Variants in ZNF574 observed in about 807,000 individuals in gnomAD.
The protein encoded by ZNF574 is zinc finger protein 574.
A neutral mutation model predicts 56.6 loss-of-function variants in ZNF574; 25 were observed. The observed-to-expected ratio is 0.44, with a 90% CI of 0.32 to 0.62. The LOEUF (loss-of-function observed/expected upper bound fraction) is 0.62. Ranked by LOEUF, ZNF574 falls within the 20% of genes least tolerant of loss-of-function variation. The pLI, the probability that ZNF574 is intolerant of heterozygous loss-of-function variation, is 0.04. For missense variants in ZNF574, 1,065 were observed against 1,218.9 expected (o/e 0.87, Z 1.88); for synonymous variants, 543 against 492.1 (o/e 1.10, Z -1.37).
intron 1 of ZNF574, 129 bp from the exon 2 acceptor site, chr19:42,078,458 A>T: frequency 1.2e-6 from 1 of 809,678 alleles, no homozygotes; most frequent in Non-Finnish European, 2.0e-6. Context: ...GGAGGGAGGC[A>T]GAATTTTAAA....
chr19:42,068,602 CG>C (rs1387377290), exon 1 of ZNF574: 133 of 416,736 alleles, frequency 3.2e-4, no homozygotes, highest in Admixed American at 1.8e-3. Flanking sequence ...GACAGGTGAG[CG>C]GAGGCACAGA....
At chr19:42,075,280 T>C (rs2076447798), upstream of ZNF574, 2 of 152,328 alleles carry the variant, frequency 1.3e-5, no homozygotes, top group African/African-American at 2.4e-5. Flanking sequence ...CTTGGACACA[T>C]GGGGCCCCAA....
At position 42,081,132 on chromosome 19, in the gene ZNF574, G is replaced by T. The variant is rs765211744; in HGVS notation, c.2526G>T (p.Lys842Asn). 2 of 1,614,152 alleles carry T rather than the reference G, an allele frequency of 1.2e-6. No individual in the cohort carries two copies. Among genetic ancestry groups the T allele is most frequent in the Non-Finnish European group, 1.7e-6 (2 of 1,180,046 alleles). Residue 842 changes from lysine (K) to asparagine (N), a missense_variant, in exon 2 of 2, where the codon AAG becomes AAT. Coordinates refer to ENST00000359044, the MANE Select transcript of ZNF574 (RefSeq NM_022752.6). ...TCTCCAACCTCTGGAAGCACCGCAA[G>T]ACCCATCAGCAGCAGCATCAGGCAG... is the stretch of plus-strand genomic sequence containing the variant. ...RSFSNLWKHR[K>N]THQQQHQAAV...
At position 42,081,395 on chromosome 19, in the gene ZNF574, C is replaced by A; in HGVS notation, c.*98C>A. On this transcript the variant is annotated 3_prime_UTR_variant, in exon 2 of 2. Coordinates refer to ENST00000359044, the MANE Select transcript of ZNF574 (RefSeq NM_022752.6). ...GTACATACTGTGTCCCTTCCTCTTCCCATCCCCACCACCTTGTAAGTTCTA... is the reference window on the plus strand; with the variant it reads ...GTACATACTGTGTCCCTTCCTCTTCACATCCCCACCACCTTGTAAGTTCTA... The A allele has an allele frequency of 6.9e-7, 1 of 1,455,482 alleles. No homozygotes were observed. Among genetic ancestry groups the A allele is most frequent in the African/African-American group, 1.4e-5 (1 of 71,758 alleles). The allele number at this position is 1,455,482 out of a possible 1,614,324, so 90.2% of individuals were successfully genotyped here.
rs752602072 is a variant in ZNF574, at chr19:42,081,368, C to A, written c.*71C>A. On this transcript the variant is annotated 3_prime_UTR_variant, in exon 2 of 2. Transcript: ENST00000359044. ...GGCCCTCCAGCATCCCCTTAAGCAT[C>A]TGTACATACTGTGTCCCTTCCTCTT... is the stretch of plus-strand genomic sequence containing the variant. 2.6e-6 allele frequency: 4 copies of A among 1,568,200 alleles called. No homozygotes were observed. Among genetic ancestry groups the A allele is most frequent in the Non-Finnish European group, 3.5e-6 (4 of 1,139,370 alleles).
At position 42,079,585 on chromosome 19, in the gene ZNF574, C is replaced by T. The variant is rs1344159705; in HGVS notation, c.979C>T (p.His327Tyr). 1 of 1,614,190 alleles carries T rather than the reference C, an allele frequency of 6.2e-7. No homozygotes were observed. The highest frequency in any genetic ancestry group is 8.5e-7 in the Non-Finnish European group (1 of 1,180,034). Residue 327 changes from histidine (H) to tyrosine (Y), a missense_variant, in exon 2 of 2, where the codon CAC becomes TAC. Transcript: ENST00000359044. This position sits in a 1 kb window ranked among gnomAD's most constrained non-coding sequence, Gnocchi z 4.3. Reference protein sequence around the residue: ...LFLSPHQLQQHLRSHREGVFK... With the variant: ...LFLSPHQLQQYLRSHREGVFK... ...TCTCTCACCCCACCAGCTACAGCAG[C>T]ACCTGCGGAGTCACCGGGAGGGCGT...
At position 42,081,452 on chromosome 19, in the gene ZNF574, T is replaced by C; in HGVS notation, c.*155T>C. 9.8e-7 allele frequency: 1 copy of C among 1,022,820 alleles called. No homozygotes were observed. The highest frequency in any genetic ancestry group is 1.5e-6 in the Non-Finnish European group (1 of 676,384). The allele number at this position is 1,022,820 out of a possible 1,614,324, so 63.4% of individuals were successfully genotyped here. On this transcript the variant is annotated 3_prime_UTR_variant, in exon 2 of 2. Transcript: ENST00000359044. ...ATTTATTCTCTCGTGAGGGGGGTGC[T>C]CTGGGGTCCTTGACACACATAAAGG... is the stretch of plus-strand genomic sequence containing the variant.
Position 42,080,061 on chromosome 19 carries a change from A to C in ZNF574, c.1455A>C (p.Gln485His), listed in dbSNP as rs373910901. 1 of 1,613,954 alleles carries C rather than the reference A, an allele frequency of 6.2e-7. No individual in the cohort carries two copies. Among genetic ancestry groups the C allele is most frequent in the African/African-American group, 1.3e-5 (1 of 74,884 alleles). ...FGKALQLTRH[Q>H]RFVHRLERRH... ...AGGCCTTGCAGCTGACCCGGCACCA[A>C]CGTTTTGTGCATCGGCTGGAGCGGC... Residue 485 changes from glutamine to histidine, a missense_variant, in exon 2 of 2, where the codon CAA (glutamine) becomes CAC (histidine). Transcript: ENST00000359044. The surrounding 1 kb of genome is among the most constrained non-coding windows in gnomAD (Gnocchi z 8.5).
chr19:42,077,498 A>AG (rs1452461394), intron 1 of ZNF574, among the ~76,000 whole-genome samples: 7 of 151,920 alleles, frequency 4.6e-5, no homozygotes, highest in Non-Finnish European at 7.4e-5. Flanking sequence ...GATGGATTTG[A>AG]GGGGGGGCTC....
intron 1 of ZNF574, among the ~76,000 whole-genome samples, chr19:42,077,007 T>C (rs2076461015): frequency 1.3e-5 from 2 of 152,058 alleles, no homozygotes; most frequent in South Asian, 2.1e-4. Flanking sequence ...AGGTAGTCTT[T>C]TTTAAGTACA....
Position 42,080,669 on chromosome 19 carries a change from C to A in ZNF574, c.2063C>A (p.Ala688Asp), listed in dbSNP as rs775165220. The A allele has an allele frequency of 6.2e-7, 1 of 1,613,078 alleles. No individual in the cohort carries two copies. The highest frequency in any genetic ancestry group is 8.5e-7 in the Non-Finnish European group (1 of 1,179,894). ...SAARLQAHEA[A>D]HAAAGPGEVL... ...GCTCGACTGCAGGCACACGAGGCGG[C>A]CCATGCAGCTGCTGGGCCTGGAGAG... is the stretch of plus-strand genomic sequence containing the variant. The change falls in exon 2 of 2, where the codon GCC becomes GAC. Residue 688 changes from alanine (A) to aspartate (D), a missense_variant. Ala to Asp is a moderately radical substitution (Grantham distance 126). Transcript: ENST00000359044. The surrounding 1 kb of genome is among the most constrained non-coding windows in gnomAD (Gnocchi z 8.5).
Position 42,079,954 on chromosome 19 carries a change from C to T in ZNF574, c.1348C>T (p.Pro450Ser). ...AETGEPEAPE[P>S]PVSEETSAGP... The stretch of plus-strand genomic sequence containing the variant: ...GACTGGAGAGCCAGAGGCCCCTGAG[C>T]CCCCTGTGTCTGAGGAGACCTCAGC... The change falls in exon 2 of 2, where the codon CCC (proline) becomes TCC (serine). Residue 450 changes from proline to serine, a missense_variant. Transcript: ENST00000359044. The surrounding 1 kb of genome is among the most constrained non-coding windows in gnomAD (Gnocchi z 4.3). 1.2e-6 allele frequency: 2 copies of T among 1,613,836 alleles called. No individual in the cohort carries two copies. The highest frequency in any genetic ancestry group is 3.3e-4 in the Middle Eastern group (2 of 6,062).
chr19:42,081,215 C>T lies in ZNF574; in HGVS notation c.2609C>T (p.Thr870Ile). The T allele has an allele frequency of 6.2e-7, 1 of 1,614,146 alleles. No homozygotes were observed. Among genetic ancestry groups the T allele is most frequent in the Non-Finnish European group, 8.5e-7 (1 of 1,180,044 alleles). ...EAAVGLAVME[T>I]AVEALPLVEA... ...GCCGTTGGCCTGGCCGTCATGGAGACTGCTGTGGAGGCGCTACCCCTGGTG... is the reference window on the plus strand; with the variant it reads ...GCCGTTGGCCTGGCCGTCATGGAGATTGCTGTGGAGGCGCTACCCCTGGTG... Residue 870 changes from threonine (T) to isoleucine (I), a missense_variant, in exon 2 of 2, where the codon ACT becomes ATT. By Grantham distance (89) the Thr-to-Ile change is moderately conservative (BLOSUM62 -1). Transcript: ENST00000359044.
In ZNF574 at chr19:42,079,141, G is replaced by A. The variant is rs758498718; in HGVS notation, c.535G>A (p.Val179Met). The A allele has an allele frequency of 1.2e-6, 2 of 1,614,020 alleles. No homozygotes were observed. The highest frequency in any genetic ancestry group is 1.7e-6 in the Non-Finnish European group (2 of 1,179,966). Reference protein sequence around the residue: ...GPPVGQARVAVEHSYRKAEEG... With the variant: ...GPPVGQARVAMEHSYRKAEEG... ...TCCTGTGGGCCAGGCCCGAGTGGCTGTGGAGCACTCATACCGAAAGGCAGA... is the reference window on the plus strand; with the variant it reads ...TCCTGTGGGCCAGGCCCGAGTGGCTATGGAGCACTCATACCGAAAGGCAGA... Residue 179 changes from valine (V) to methionine (M), a missense_variant, in exon 2 of 2, where the codon GTG becomes ATG. Transcript: ENST00000359044. The surrounding 1 kb of genome is among the most constrained non-coding windows in gnomAD (Gnocchi z 4.3).
chr19:42,081,166 CAGCAGCTGGCAG>C lies in ZNF574; in HGVS notation c.2563_2574del (p.Gln855_Glu858del). ...GCAGCAGCATCAGGCAGCTGTGCGGCAGCAGCTGGCAGAGGCGGAGGCTGCCGTTGGCCTGGC... is the reference window on the plus strand; with the variant it reads ...GCAGCAGCATCAGGCAGCTGTGCGGCAGGCGGAGGCTGCCGTTGGCCTGGC... On this transcript the variant is annotated inframe_deletion, in exon 2 of 2. Transcript: ENST00000359044. 6.2e-7 allele frequency: 1 copy of C among 1,614,066 alleles called. No homozygotes were observed. Among genetic ancestry groups the C allele is most frequent in the South Asian group, 1.1e-5 (1 of 91,090 alleles).
rs776539367 is a variant in ZNF574, at chr19:42,081,205, G to A, written c.2599G>A (p.Val867Ile). ...AEAEAAVGLA[V>I]METAVEALPL... is the part of the protein sequence containing the mutation. ...GGCGGAGGCTGCCGTTGGCCTGGCC[G>A]TCATGGAGACTGCTGTGGAGGCGCT... Residue 867 changes from valine to isoleucine, a missense_variant, in exon 2 of 2, where the codon GTC becomes ATC. Transcript: ENST00000359044. 1.6e-5 allele frequency: 26 copies of A among 1,613,986 alleles called. No homozygotes were observed. Among genetic ancestry groups the A allele is most frequent in the South Asian group, 2.2e-5 (2 of 91,092 alleles).
intron 1 of ZNF574, among the ~76,000 whole-genome samples, chr19:42,076,622 G>C (rs1311261115): frequency 6.6e-6 from 1 of 152,226 alleles, no homozygotes; most frequent in Non-Finnish European, 1.5e-5. Context: ...TAAAGGACTT[G>C]GTGGTGTGGC....
chr19:42,080,023 C>G lies in ZNF574; in HGVS notation c.1417C>G (p.Arg473Gly). 1 of 1,614,026 alleles carries G rather than the reference C, an allele frequency of 6.2e-7. No homozygotes were observed. Among genetic ancestry groups the G allele is most frequent in the South Asian group, 1.1e-5 (1 of 91,074 alleles). ...PGTYRCLLCS[R>G]EFGKALQLTR... ...CACCTACCGCTGCCTCCTGTGCAGC[C>G]GTGAATTTGGAAAGGCCTTGCAGCT... Residue 473 changes from arginine (R) to glycine (G), a missense_variant, in exon 2 of 2, where the codon CGT (arginine) becomes GGT (glycine). Physicochemically the swap from Arg to Gly is moderately radical, Grantham distance 125. Transcript: ENST00000359044. The surrounding 1 kb of genome is among the most constrained non-coding windows in gnomAD (Gnocchi z 8.5).
Position 42,079,872 on chromosome 19 carries a change from A to G in ZNF574, c.1266A>G (p.Thr422=), listed in dbSNP as rs762387342. The stretch of plus-strand genomic sequence containing the variant: ...GGGTAGGGGGTGTCCCTCTGCCCAC[A>G]ACACCAGTCCCACCAGAGGAACCTG... ...THGVGGVPLP[T]TPVPPEEPVI... The change falls in exon 2 of 2, where the codon ACA becomes ACG. Residue 422 remains threonine, a synonymous_variant. Transcript: ENST00000359044. This position sits in a 1 kb window ranked among gnomAD's most constrained non-coding sequence, Gnocchi z 4.3. 5 of 1,614,074 alleles carry G rather than the reference A, an allele frequency of 3.1e-6. No individual in the cohort carries two copies. Among genetic ancestry groups the G allele is most frequent in the Non-Finnish European group, 4.2e-6 (5 of 1,180,016 alleles).
Sources: allele counts gnomAD v4.1 joint callset (sites outside exome capture counted in the v4.1 genomes callset), GRCh38; gene constraint gnomAD v4.1.1; non-coding constraint Gnocchi (gnomAD v3.1); transcripts MANE v1.5; gene names NCBI Gene and HGNC (gene_info 2026-07-23, HGNC 2026-07-21).